PTPRD: variants seen among roughly 807,000 people sequenced by gnomAD.
PTPRD encodes receptor-type tyrosine-protein phosphatase delta.
PTPRD carries 34 observed loss-of-function variants against 214.5 expected under a neutral mutation model. The ratio of observed to expected loss-of-function variants is 0.16; its 90% CI spans 0.12 to 0.21. The LOEUF (loss-of-function observed/expected upper bound fraction) is 0.21. Among genes scored for constraint, PTPRD ranks in the 10% least tolerant of loss-of-function variants. The pLI is 1.00. For missense variants in PTPRD, 2,545 were observed against 2,398.7 expected (o/e 1.06, Z -1.27); for synonymous variants, 1,128 against 845.7 (o/e 1.33, Z -5.79).
chr9:8,463,924 A>G (rs984410314), intron 32 of PTPRD, among the ~76,000 whole-genome samples: 2 of 151,986 alleles, frequency 1.3e-5, no homozygotes, highest in African/African-American at 4.8e-5. Flanking sequence ...AGGCCTGCAA[A>G]TATTTATGAT....
intron 6 of PTPRD, among the ~76,000 whole-genome samples, chr9:9,736,866 T>C (rs2154446672): frequency 6.6e-6 from 1 of 152,188 alleles, no homozygotes; most frequent in Non-Finnish European, 1.5e-5. Flanking sequence ...TGAAAATCTG[T>C]TCCCTACTCC....
rs79057014 is a variant in PTPRD at position 9,817,155 on chromosome 9, A to C, written c.-367-50304T>G. ...ATGAATCATGAGGGAGACAAGTCAT[A>C]TAAATAAAACAAATTTTAAATTAAT... is the stretch of plus-strand genomic sequence containing the variant. On this transcript the variant is annotated intron_variant, in intron 5 of 45. Transcript: ENST00000381196. Among the ~76,000 whole-genome samples, 650 of 152,256 alleles carry C rather than the reference A, an allele frequency of 4.3e-3. 7 individuals carry two copies. The highest frequency in any genetic ancestry group is 0.015 in the African/African-American group (627 of 41,576).
intron 9 of PTPRD, among the ~76,000 whole-genome samples, chr9:9,333,883 C>T (rs1041383390): frequency 2.0e-5 from 3 of 151,844 alleles, no homozygotes; most frequent in African/African-American, 7.3e-5. Flanking sequence ...AACACTGGAA[C>T]ACCTAATGCT....
chr9:8,555,915 T>C (rs1198300824), intron 14 of PTPRD, among the ~76,000 whole-genome samples: 1 of 152,124 alleles, frequency 6.6e-6, no homozygotes, highest in Non-Finnish European at 1.5e-5. Context: ...TGGGGAAGCA[T>C]GGGAGTACAG....
intron 10 of PTPRD, among the ~76,000 whole-genome samples, chr9:9,175,950 T>C (rs2099924578): frequency 6.6e-6 from 1 of 152,182 alleles, no homozygotes; most frequent in South Asian, 2.1e-4. Context: ...AAGTCTTTTA[T>C]ATATCACTCT....
chr9:8,531,110 C>A (rs1236048782), intron 14 of PTPRD, among the ~76,000 whole-genome samples: 1 of 152,000 alleles, frequency 6.6e-6, no homozygotes, highest in Non-Finnish European at 1.5e-5. Flanking sequence ...TTTGTGGAAG[C>A]AGTAATACAT....
At chr9:10,472,354 G>C (rs2099036505) in intron 2 of PTPRD, among the ~76,000 whole-genome samples, 1 of 152,066 alleles carries the variant, frequency 6.6e-6, no homozygotes. Context: ...TTCAATATTT[G>C]TTAAGTTTCA....
At chr9:9,505,638 G>A (rs1397274050) in intron 8 of PTPRD, among the ~76,000 whole-genome samples, 1 of 151,424 alleles carries the variant, frequency 6.6e-6, no homozygotes, top group African/African-American at 2.4e-5. Context: ...ATGATAGGTG[G>A]CAAGGTTTCA....
intron 3 of PTPRD, among the ~76,000 whole-genome samples, chr9:10,067,981 C>T (rs2097914829): frequency 6.6e-6 from 1 of 151,844 alleles, no homozygotes; most frequent in South Asian, 2.1e-4. Context: ...CTAGCTGACT[C>T]CAGCGCCACA....
chr9:9,646,939 A>G (rs1427054325), intron 7 of PTPRD, among the ~76,000 whole-genome samples: 1 of 152,152 alleles, frequency 6.6e-6, no homozygotes, highest in Non-Finnish European at 1.5e-5. Context: ...GGAAAGCAAA[A>G]CTGTGGATAA....
intron 11 of PTPRD, among the ~76,000 whole-genome samples, chr9:8,826,855 A>G (rs1325974851): frequency 6.6e-6 from 1 of 151,606 alleles, no homozygotes; most frequent in Non-Finnish European, 1.5e-5. Flanking sequence ...ACTTCTCCCA[A>G]CTCTCTAACC....
At chr9:10,515,721 A>T (rs573963625) in intron 2 of PTPRD, among the ~76,000 whole-genome samples, 1 of 152,044 alleles carries the variant, frequency 6.6e-6, no homozygotes, top group Non-Finnish European at 1.5e-5. Context: ...TAAATTATAC[A>T]CCTGCTGAAT....
In PTPRD at chr9:10,330,861, G is replaced by A. The variant is rs1463794819; in HGVS notation, c.-545+10102C>T. Among the ~76,000 whole-genome samples the A allele has an allele frequency of 5.9e-5, 9 of 151,968 alleles. No homozygotes were observed. The East Asian group carries it at 1.8e-3, about 30-fold the overall frequency. Reference sequence around the variant, plus strand: ...CTCATACTTCTCAAATTTGCATCAAGTGCATGTGTGGCTCACTGGTAAAGT... The same window carrying A: ...CTCATACTTCTCAAATTTGCATCAAATGCATGTGTGGCTCACTGGTAAAGT... On this transcript the variant is annotated intron_variant, in intron 3 of 45. Transcript: ENST00000381196.
chr9:10,184,165 C>G (rs1017281513), intron 3 of PTPRD, among the ~76,000 whole-genome samples: 5 of 152,114 alleles, frequency 3.3e-5, no homozygotes, highest in African/African-American at 1.2e-4. Context: ...TGGGTCTTGC[C>G]TGTTAACCCA....
At chr9:10,282,115 T>C (rs2095146583) in intron 3 of PTPRD, among the ~76,000 whole-genome samples, 1 of 152,108 alleles carries the variant, frequency 6.6e-6, no homozygotes, top group Non-Finnish European at 1.5e-5. Context: ...CATGGAAAGA[T>C]CATGACTTTC....
In PTPRD at chr9:8,931,137, T is replaced by C. The variant is rs181249381; in HGVS notation, c.-104+87560A>G. Among the ~76,000 whole-genome samples, 789 of 152,164 alleles carry C rather than the reference T, an allele frequency of 5.2e-3. 7 individuals carry two copies. Among genetic ancestry groups the C allele is most frequent in the African/African-American group, 0.018 (761 of 41,524 alleles). The stretch of plus-strand genomic sequence containing the variant: ...TTAATCCATCTTGAATTAATTTTTG[T>C]ATAAGGTGTAAGGAAGGGATCCAGT... On this transcript the variant is annotated intron_variant, in intron 11 of 45. Coordinates refer to ENST00000381196, the MANE Select transcript of PTPRD (RefSeq NM_002839.4).
intron 3 of PTPRD, among the ~76,000 whole-genome samples, chr9:10,147,197 T>C (rs540952305): frequency 1.8e-4 from 28 of 152,114 alleles, no homozygotes; most frequent in Non-Finnish European, 3.5e-4. Context: ...GGACTGCCTA[T>C]ATACTCAAAA....
intron 3 of PTPRD, among the ~76,000 whole-genome samples, chr9:10,204,197 T>C (rs1483777205): frequency 1.3e-5 from 2 of 152,192 alleles, no homozygotes. Flanking sequence ...ATTACTCCAT[T>C]TTTCAGTGTG....
At chr9:8,727,081 C>T (rs893065859) in intron 12 of PTPRD, among the ~76,000 whole-genome samples, 3 of 152,064 alleles carry the variant, frequency 2.0e-5, no homozygotes, top group African/African-American at 2.4e-5. Context: ...GGAGATCACA[C>T]AACAGTAGAA....
Sources: allele counts gnomAD v4.1 joint callset (sites outside exome capture counted in the v4.1 genomes callset), GRCh38; gene constraint gnomAD v4.1.1; transcripts MANE v1.5; gene names NCBI Gene and HGNC (gene_info 2026-07-23, HGNC 2026-07-21).